PTPN13: variants seen among roughly 807,000 people sequenced by gnomAD.
PTPN13 encodes tyrosine-protein phosphatase non-receptor type 13.
Under a neutral mutation model 284.0 loss-of-function variants are expected in PTPN13, and 191 were observed. The ratio of observed to expected loss-of-function variants is 0.67; its 90% CI spans 0.60 to 0.76. The LOEUF (loss-of-function observed/expected upper bound fraction) is 0.76, where lower values mean the gene tolerates loss of function less well. Among genes scored for constraint, PTPN13 ranks in the 30% least tolerant of loss-of-function variants. The probability of loss-of-function intolerance (pLI) is 0.00; values close to 1 mark genes in which losing one functional copy is unlikely to be tolerated. For missense variants in PTPN13, 2,797 were observed against 2,939.9 expected (o/e 0.95, Z 1.12); for synonymous variants, 986 against 1,022.3 (o/e 0.96, Z 0.68).
chr4:86,613,701 C>T (rs1386748248), intron 1 of PTPN13, among the ~76,000 whole-genome samples: 2 of 151,544 alleles, frequency 1.3e-5, no homozygotes, highest in Non-Finnish European at 2.9e-5. Flanking sequence ...TCTCAGATGC[C>T]AGCTAAAGGT....
At chr4:86,609,267 T>C (rs1398930427) in intron 1 of PTPN13, among the ~76,000 whole-genome samples, 6 of 152,234 alleles carry the variant, frequency 3.9e-5, no homozygotes, top group Non-Finnish European at 7.3e-5. Flanking sequence ...AGTTTTGTTA[T>C]CCTCTGAAGA....
At chr4:86,757,779 T>A (rs1461334203) in intron 20 of PTPN13, among the ~76,000 whole-genome samples, 61 of 128,812 alleles carry the variant, frequency 4.7e-4, no homozygotes, top group African/African-American at 9.9e-4. Flanking sequence ...AAAAAAAAAA[T>A]CCAGTTTCCT....
At chr4:86,620,104 G>A (rs967993062) in intron 1 of PTPN13, among the ~76,000 whole-genome samples, 2 of 152,038 alleles carry the variant, frequency 1.3e-5, no homozygotes, top group African/African-American at 4.8e-5. Context: ...ATTAAATAAG[G>A]ACATTTGGGT....
intron 44 of PTPN13, among the ~76,000 whole-genome samples, chr4:86,807,044 G>C (rs1025151114): frequency 6.6e-6 from 1 of 152,126 alleles, no homozygotes; most frequent in African/African-American, 2.4e-5. Flanking sequence ...CTTATTAAAA[G>C]AATATAATTT....
rs796389778 is a variant in PTPN13, at chr4:86,718,455, C to CTTTTTTTTTTTTTTTTTTTTTTTTT, written c.1385+1351_1385+1352insTTTTTTTTTTTTTTTTTTTTTTTTT. Among the ~76,000 whole-genome samples, 144 of 140,140 alleles carry CTTTTTTTTTTTTTTTTTTTTTTTTT rather than the reference C, an allele frequency of 1.0e-3. 6 individuals carry two copies. The highest frequency in any genetic ancestry group is 1.7e-3 in the Non-Finnish European group (109 of 62,720). The allele number at this position is 140,140 out of a possible 152,430, so 91.9% of individuals were successfully genotyped here. On this transcript the variant is annotated intron_variant, in intron 9 of 47. Transcript: ENST00000411767. ...AAATTATTCTTTAGTTAATGGTCCA[C>CTTTTTTTTTTTTTTTTTTTTTTTTT]TTTTTTTTTTTTTGAGACAGAGTCT...
chr4:86,700,457 T>A (rs1731037871), intron 6 of PTPN13, among the ~76,000 whole-genome samples: 1 of 152,172 alleles, frequency 6.6e-6, no homozygotes, highest in South Asian at 2.1e-4. Context: ...GTGTCACATT[T>A]ATAGACTACT....
At chr4:86,746,692 G>A (rs969349006) in intron 17 of PTPN13, among the ~76,000 whole-genome samples, 1 of 151,866 alleles carries the variant, frequency 6.6e-6, no homozygotes, top group Non-Finnish European at 1.5e-5. Context: ...TCTTGTTTGG[G>A]TGCAATCTTG....
intron 40 of PTPN13, among the ~76,000 whole-genome samples, chr4:86,788,620 G>T (rs1578675004): frequency 6.6e-6 from 1 of 152,160 alleles, no homozygotes; most frequent in East Asian, 1.9e-4. Context: ...AAGTACTTCA[G>T]GTCAATGCCT....
At chr4:86,677,528 T>C (rs1385287202) in intron 3 of PTPN13, among the ~76,000 whole-genome samples, 2 of 151,568 alleles carry the variant, frequency 1.3e-5, no homozygotes, top group Non-Finnish European at 2.9e-5. Flanking sequence ...TTGGCCAGGA[T>C]GGTCTCGATC....
chr4:86,736,197 A>G (rs1735480661), intron 15 of PTPN13, among the ~76,000 whole-genome samples: 1 of 152,198 alleles, frequency 6.6e-6, no homozygotes, highest in Non-Finnish European at 1.5e-5. Flanking sequence ...ATTAATGTAG[A>G]TAGGGGTAGA....
In PTPN13 at chr4:86,716,601, T is replaced by A; in HGVS notation, c.1267T>A (p.Ser423Thr). ...STSSESPSII[S>T]SESDFRQVRR... is the part of the protein sequence containing the mutation. ...CTCCAGTGAAAGTCCATCTATTATT[T>A]CCTCTGAATCAGATTTCAGACAAGG... The change falls in exon 8 of 48, where the codon TCC (serine) becomes ACC (threonine). Residue 423 changes from serine (S) to threonine (T), a missense_variant. Coordinates refer to ENST00000411767, the MANE Select transcript of PTPN13 (RefSeq NM_080683.3). 1 of 1,593,962 alleles carries A rather than the reference T, an allele frequency of 6.3e-7. No individual in the cohort carries two copies. Among genetic ancestry groups the A allele is most frequent in the East Asian group, 2.2e-5 (1 of 44,502 alleles).
At chr4:86,687,641 A>T (rs894697134) in intron 4 of PTPN13, among the ~76,000 whole-genome samples, 1 of 152,122 alleles carries the variant, frequency 6.6e-6, no homozygotes, top group Admixed American at 6.6e-5. Flanking sequence ...ATTTTATATC[A>T]TGAAAAATAA....
intron 3 of PTPN13, among the ~76,000 whole-genome samples, chr4:86,683,212 C>A (rs1482135602): frequency 6.6e-6 from 1 of 151,780 alleles, no homozygotes; most frequent in East Asian, 1.9e-4. Context: ...AGGGTTGGCT[C>A]GTGCAATTAT....
At chr4:86,745,757 C>T (rs1736684678) in intron 17 of PTPN13, among the ~76,000 whole-genome samples, 1 of 151,140 alleles carries the variant, frequency 6.6e-6, no homozygotes, top group Admixed American at 6.6e-5. Flanking sequence ...ACCTGGGCGA[C>T]AGTGCGAGAC....
At chr4:86,700,772 T>C (rs1731072092) in intron 6 of PTPN13, among the ~76,000 whole-genome samples, 1 of 152,216 alleles carries the variant, frequency 6.6e-6, no homozygotes. Context: ...GCAAGAATTC[T>C]TTGTTTCTTC....
chr4:86,709,698 C>T (rs555759520), intron 7 of PTPN13, among the ~76,000 whole-genome samples: 3 of 152,242 alleles, frequency 2.0e-5, no homozygotes, highest in East Asian at 1.9e-4. Context: ...ACAGTGAAGT[C>T]GTAACAACAG....
At chr4:86,595,391 C>G (rs1763561310) in intron 1 of PTPN13, among the ~76,000 whole-genome samples, 1 of 151,970 alleles carries the variant, frequency 6.6e-6, no homozygotes, top group Admixed American at 6.6e-5. Flanking sequence ...CCTAGCCCCA[C>G]CGCTTTGCTC....
At chr4:86,796,171 A>G (rs1002503867) in intron 40 of PTPN13, among the ~76,000 whole-genome samples, 4 of 152,212 alleles carry the variant, frequency 2.6e-5, no homozygotes, top group Non-Finnish European at 5.9e-5. Context: ...AAGGGGCAAT[A>G]TATTATAATC....
intron 7 of PTPN13, among the ~76,000 whole-genome samples, chr4:86,705,269 G>A (rs1731621294): frequency 6.6e-6 from 1 of 150,470 alleles, no homozygotes; most frequent in African/African-American, 2.5e-5. Flanking sequence ...ATGAGGCAGA[G>A]GTTGCAGTGA....
Sources: allele counts gnomAD v4.1 joint callset (sites outside exome capture counted in the v4.1 genomes callset), GRCh38; gene constraint gnomAD v4.1.1; transcripts MANE v1.5; gene names NCBI Gene and HGNC (gene_info 2026-07-23, HGNC 2026-07-21).